Variants in SAMM50 observed in about 807,000 individuals in gnomAD.
SAMM50 encodes the protein sorting and assembly machinery component 50 homolog.
A neutral mutation model predicts 66.9 loss-of-function variants in SAMM50; 47 were observed. The ratio of observed to expected loss-of-function variants is 0.70; its 90% CI spans 0.56 to 0.90. The LOEUF (loss-of-function observed/expected upper bound fraction) is 0.90, where lower values mean the gene tolerates loss of function less well. Ranked by LOEUF, SAMM50 falls within the 40% of genes least tolerant of loss-of-function variation. SAMM50 has a pLI of 0.00. For missense variants in SAMM50, 535 were observed against 595.3 expected, an observed-to-expected ratio of 0.90 and a Z score of 1.05; for synonymous variants, 191 against 214.1, an observed-to-expected ratio of 0.89 and a Z score of 0.94.
At chr22:43,967,459 TTTC>T (rs1170133062) in intron 3 of SAMM50, among the ~76,000 whole-genome samples, 1 of 152,222 alleles carries the variant, frequency 6.6e-6, no homozygotes, top group Non-Finnish European at 1.5e-5. Context: ...TCTTAGCCTC[TTTC>T]TTCTTCTCAT....
At chr22:43,990,904 T>C (rs2050321070) in intron 14 of SAMM50, among the ~76,000 whole-genome samples, 1 of 152,170 alleles carries the variant, frequency 6.6e-6, no homozygotes, top group Non-Finnish European at 1.5e-5. Context: ...CCCTAAATGT[T>C]ACATGGGTGA....
intron 12 of SAMM50, among the ~76,000 whole-genome samples, chr22:43,984,702 C>T (rs1046777377): frequency 3.9e-5 from 6 of 151,908 alleles, no homozygotes; most frequent in African/African-American, 1.2e-4. Flanking sequence ...GATCTCGGCT[C>T]ACTGCAACCT....
intron 13 of SAMM50, among the ~76,000 whole-genome samples, chr22:43,989,830 G>A (rs1027624864): frequency 1.3e-5 from 2 of 152,144 alleles, no homozygotes; most frequent in Admixed American, 6.5e-5. Flanking sequence ...AAGTCATGAT[G>A]GCCACAGAGC....
At chr22:43,973,742 T>C (rs1039918473) in intron 7 of SAMM50, among the ~76,000 whole-genome samples, 1 of 152,134 alleles carries the variant, frequency 6.6e-6, no homozygotes, top group African/African-American at 2.4e-5. Flanking sequence ...TTCAAGTGAT[T>C]CTCCTGCCTC....
At chr22:43,972,505 G>A (rs2050208976) in intron 5 of SAMM50, among the ~76,000 whole-genome samples, 163 bp downstream of exon 5, 2 of 152,198 alleles carry the variant, frequency 1.3e-5, no homozygotes, top group South Asian at 4.1e-4. Context: ...TAGAATTGGT[G>A]ATAATATGTT....
chr22:43,977,721 A>T (rs893861778), intron 9 of SAMM50, 151 bp from the exon 10 acceptor site: 4 of 570,482 alleles, frequency 7.0e-6, no homozygotes, highest in Non-Finnish European at 9.5e-6. Flanking sequence ...TGTCCGCAAC[A>T]ATTAGGATGT....
At chr22:43,978,751 G>A (rs189416524) in intron 10 of SAMM50, among the ~76,000 whole-genome samples, 1 of 152,234 alleles carries the variant, frequency 6.6e-6, no homozygotes, top group East Asian at 1.9e-4. Context: ...GGCTGGGAGG[G>A]CACCTGGCAT....
intron 1 of SAMM50, among the ~76,000 whole-genome samples, chr22:43,958,451 A>G (rs1456959876): frequency 6.6e-6 from 1 of 151,548 alleles, no homozygotes; most frequent in Admixed American, 6.6e-5. Context: ...GATACAGGGA[A>G]AAAAGTATCT....
intron 10 of SAMM50, 57 bp from the exon 11 acceptor site, chr22:43,981,334 G>A: frequency 1.4e-6 from 2 of 1,399,386 alleles, no homozygotes; most frequent in East Asian, 2.3e-5. Flanking sequence ...AGTTGCTGAT[G>A]TTCCTGGAGT....
chr22:43,965,836 A>G (rs1309910548), intron 3 of SAMM50, among the ~76,000 whole-genome samples: 1 of 151,096 alleles, frequency 6.6e-6, no homozygotes, highest in East Asian at 1.9e-4. Flanking sequence ...ACTTTTTTAA[A>G]TTTTTTTTTC....
chr22:43,957,301 GC>G (rs2050124648), intron 1 of SAMM50: 1 of 647,884 alleles, frequency 1.5e-6, no homozygotes, highest in Admixed American at 2.3e-5. Context: ...TCCTGCTAAG[GC>G]TGTTGGACAC....
chr22:43,980,288 C>T (rs185925981), intron 10 of SAMM50, among the ~76,000 whole-genome samples: 1 of 136,926 alleles, frequency 7.3e-6, no homozygotes. Context: ...CAAGGAACTT[C>T]CATTCTTGAG....
At chr22:43,992,513 A>C (rs1311796962) in intron 14 of SAMM50, among the ~76,000 whole-genome samples, 2 of 152,206 alleles carry the variant, frequency 1.3e-5, no homozygotes, top group African/African-American at 4.8e-5. Context: ...CCCAAGCTGG[A>C]AAGGGTGTAG....
intron 4 of SAMM50, among the ~76,000 whole-genome samples, chr22:43,970,906 C>T (rs2050200220): frequency 2.0e-5 from 3 of 152,108 alleles, no homozygotes; most frequent in Middle Eastern, 3.2e-3. Context: ...GTGGCTCACG[C>T]CTGTAATCCC....
At chr22:43,987,281 G>A (rs781597476) in intron 12 of SAMM50, 2 of 152,188 alleles carry the variant, frequency 1.3e-5, no homozygotes, top group African/African-American at 2.4e-5. Context: ...ACTGGAAACC[G>A]AAATGCCCAT....
In SAMM50 at chr22:43,988,968, TGAG is replaced by T. The variant is rs1418213688; in HGVS notation, c.1076-142_1076-140del. Reference sequence around the variant, plus strand: ...AAAATGAGGCCATCAGTATCAGGAATGAGAAGAACAGCTGCTTGCAAACTCCAG... The same window carrying T: ...AAAATGAGGCCATCAGTATCAGGAATAAGAACAGCTGCTTGCAAACTCCAG... On this transcript the variant is annotated intron_variant, in intron 12 of 14. Coordinates refer to ENST00000350028, the MANE Select transcript of SAMM50 (RefSeq NM_015380.5). The T allele has an allele frequency of 5.9e-5, 39 of 665,940 alleles. No homozygotes were observed. In the East Asian group the frequency reaches 1.0e-3, roughly 18 times the overall value. The allele number at this position is 665,940 out of a possible 1,614,324, so 41.3% of individuals were successfully genotyped here.
At chr22:43,994,301 C>T (rs575151037) in intron 14 of SAMM50, among the ~76,000 whole-genome samples, 7 of 152,162 alleles carry the variant, frequency 4.6e-5, no homozygotes, top group South Asian at 2.1e-4. Context: ...TGAGCTCCCA[C>T]GCCTTTGCCT....
chr22:43,978,276 C>T (rs988435205), intron 10 of SAMM50, among the ~76,000 whole-genome samples: 1 of 151,286 alleles, frequency 6.6e-6, no homozygotes, highest in Non-Finnish European at 1.5e-5. Flanking sequence ...ACCCTGTCTA[C>T]TAAAAAAAAT....
At chr22:43,981,680 G>A (rs1217050630) in intron 11 of SAMM50, among the ~76,000 whole-genome samples, 1 of 152,220 alleles carries the variant, frequency 6.6e-6, no homozygotes, top group East Asian at 1.9e-4. Flanking sequence ...TATTTAAAAT[G>A]TATTGTTCCC....
Sources: gnomAD v4.1 joint callset for allele counts (sites outside exome capture counted in the v4.1 genomes callset) on GRCh38, gnomAD v4.1.1 for gene constraint, MANE v1.5 for transcripts, NCBI Gene and HGNC (gene_info 2026-07-23, HGNC 2026-07-21) for gene names.